Variants in CHID1 observed in about 807,000 individuals in gnomAD.
CHID1 encodes chitinase domain-containing protein 1.
In CHID1, 44 loss-of-function variants were observed where a neutral mutation model predicts 55.4. The ratio of observed to expected loss-of-function variants is 0.79; its 90% confidence interval spans 0.62 to 1.02. The LOEUF (loss-of-function observed/expected upper bound fraction) is 1.02, where lower values mean the gene tolerates loss of function less well. CHID1 is among the 50% of genes least tolerant of loss of function. The pLI is 0.00. For missense variants in CHID1, 491 were observed against 515.3 expected (o/e 0.95, Z 0.46); for synonymous variants, 216 against 212.9 (o/e 1.01, Z -0.13).
chr11:877,247 C>A (rs941307049), intron 10 of CHID1, among the ~76,000 whole-genome samples: 1 of 152,122 alleles, frequency 6.6e-6, no homozygotes, highest in African/African-American at 2.4e-5. Context: ...TGGGTGGGTG[C>A]AACTGCCCAC....
In CHID1 at chr11:869,456, C is replaced by T; in HGVS notation, c.*402G>A. ...TGGGGTGATGCTGGGCAGAGCTGTC[C>T]CTGCGAGGGCCCTCGAATCCAGGAG... On this transcript the variant is annotated 3_prime_UTR_variant, in exon 13 of 13. Transcript: ENST00000323578. 1 of 253,472 alleles carries T rather than the reference C, an allele frequency of 3.9e-6. No individual in the cohort carries two copies. Among genetic ancestry groups the T allele is most frequent in the Non-Finnish European group, 7.7e-6 (1 of 129,626 alleles). 15.7% of individuals were successfully genotyped at this position (253,472 alleles called of 1,614,324 possible).
At chr11:887,695 T>TG (rs1422162746) in intron 8 of CHID1, among the ~76,000 whole-genome samples, 1 of 152,208 alleles carries the variant, frequency 6.6e-6, no homozygotes, top group East Asian at 1.9e-4. Flanking sequence ...GTGCCCATGA[T>TG]GCCCTTCCAA....
chr11:905,396 G>T (rs976294665), intron 1 of CHID1, among the ~76,000 whole-genome samples: 8 of 152,204 alleles, frequency 5.3e-5, no homozygotes, highest in Non-Finnish European at 1.2e-4. Context: ...GGCCGGGTGC[G>T]GTGGCTTATG....
intron 2 of CHID1, among the ~76,000 whole-genome samples, chr11:904,291 C>G (rs927052540): frequency 6.6e-6 from 1 of 152,174 alleles, no homozygotes; most frequent in African/African-American, 2.4e-5. Context: ...TGAGTTTACA[C>G]CCTTGAAGGT....
upstream of CHID1, among the ~76,000 whole-genome samples, chr11:911,943 A>G (rs1346811362): frequency 1.3e-5 from 2 of 152,222 alleles, no homozygotes; most frequent in Non-Finnish European, 2.9e-5. Flanking sequence ...TCCCAATGCT[A>G]AGGAGGCCAT....
In CHID1 at chr11:902,988, C is replaced by T. The variant is rs752223525; in HGVS notation, c.235G>A (p.Gly79Arg). 17 of 1,613,948 alleles carry T rather than the reference C, an allele frequency of 1.1e-5. No individual in the cohort carries two copies. The highest frequency in any genetic ancestry group is 1.7e-5 in the Admixed American group (1 of 60,006). ...SAKARDRHFA[G>R]DVLGYVTPWN... is the part of the protein sequence containing the mutation. ...GGAGTGACATAGCCCAGTACATCCC[C>T]AGCAAAGTGTCTGTCCCGGGCCTTT... Residue 79 changes from glycine to arginine, a missense_variant, in exon 3 of 13, where the codon GGG becomes AGG. Transcript: ENST00000323578.
rs375558883 is a variant in CHID1, at chr11:910,797, G to A, written c.-66C>T. The stretch of plus-strand genomic sequence containing the variant: ...CACCTGCATGTCAGGGAGGCCGGAC[G>A]GCCACAAACGCACGGCCGGAAAACG... On this transcript the variant is annotated 5_prime_UTR_variant, in exon 1 of 13. Transcript: ENST00000323578. 2.9e-4 allele frequency: 319 copies of A among 1,113,700 alleles called. 6 individuals are homozygous for A. In the East Asian group the frequency reaches 0.023, roughly 79 times the overall value. 69.0% of individuals were successfully genotyped at this position (1,113,700 alleles called of 1,614,324 possible). A position where few individuals can be genotyped will look rare whatever the true frequency, so the allele number is the denominator to read the frequency against.
intron 11 of CHID1, 35 bp downstream of exon 11, chr11:870,384 A>C (rs771078328): frequency 6.4e-7 from 1 of 1,559,656 alleles, no homozygotes; most frequent in Non-Finnish European, 8.8e-7. Context: ...CCTGCACACA[A>C]GGCCAAGGTG....
intron 8 of CHID1, among the ~76,000 whole-genome samples, chr11:890,266 GC>G (rs1275685980): frequency 6.6e-6 from 1 of 152,148 alleles, no homozygotes; most frequent in Non-Finnish European, 1.5e-5. Flanking sequence ...CACGCGGCCT[GC>G]CCCATCCCCT....
At chr11:888,041 T>C (rs1382566651) in intron 8 of CHID1, among the ~76,000 whole-genome samples, 1 of 152,212 alleles carries the variant, frequency 6.6e-6, no homozygotes, top group Non-Finnish European at 1.5e-5. Context: ...CCAGGGGACA[T>C]GGCTCCACAC....
rs182950163 is a variant in CHID1 at position 869,863 on chromosome 11, G to A, written c.1177C>T (p.Leu393Phe). Reference protein sequence around the residue: ...GQGLDYFYDLL With the variant: ...GQGLDYFYDLF ...GCGGAGGCCGCAATGCCCACCTAGAGCAGGTCGTAGAAGTAGTCCAGGCCC... is the reference window on the plus strand; with the variant it reads ...GCGGAGGCCGCAATGCCCACCTAGAACAGGTCGTAGAAGTAGTCCAGGCCC... The change falls in exon 13 of 13, where the codon CTC (leucine) becomes TTC (phenylalanine). Residue 393 changes from leucine (L) to phenylalanine (F), a missense_variant. Transcript: ENST00000323578. 3 of 1,612,858 alleles carry A rather than the reference G, an allele frequency of 1.9e-6. No individual in the cohort carries two copies. In the Admixed American group the frequency reaches 5.0e-5, roughly 27 times the overall value.
At chr11:880,258 C>T (rs1294147319) in intron 10 of CHID1, among the ~76,000 whole-genome samples, 1 of 152,228 alleles carries the variant, frequency 6.6e-6, no homozygotes, top group Admixed American at 6.5e-5. Context: ...GAGAAGACGC[C>T]AGGCTCTTCG....
chr11:914,469 A>C (rs1057378348), upstream of CHID1: 1 of 1,219,670 alleles, frequency 8.2e-7, no homozygotes, highest in Non-Finnish European at 1.1e-6. Context: ...GCCTGCAGAG[A>C]TGAGTGTTTC....
At chr11:907,129 T>G (rs1852286583) in intron 1 of CHID1, among the ~76,000 whole-genome samples, 1 of 152,226 alleles carries the variant, frequency 6.6e-6, no homozygotes, top group Non-Finnish European at 1.5e-5. Flanking sequence ...CTGGTCTTCC[T>G]GCACTAAACT....
intron 8 of CHID1, among the ~76,000 whole-genome samples, chr11:888,528 A>C (rs1271929815): frequency 6.6e-6 from 1 of 152,366 alleles, no homozygotes; most frequent in African/African-American, 2.4e-5. Flanking sequence ...CGGCTGAGCA[A>C]TGAGGTAACA....
rs1009222080 is a variant in CHID1, at chr11:869,517, C to T, written c.*341G>A. On this transcript the variant is annotated 3_prime_UTR_variant, in exon 13 of 13. Coordinates refer to ENST00000323578, the MANE Select transcript of CHID1 (RefSeq NM_023947.4). The stretch of plus-strand genomic sequence containing the variant: ...CGGGATGGTTCCAGAGCTTCCAAAC[C>T]CACATCCAGCCCAGGATGTGAGAAG... 1 of 396,488 alleles carries T rather than the reference C, an allele frequency of 2.5e-6. No homozygotes were observed. Among genetic ancestry groups the T allele is most frequent in the African/African-American group, 2.0e-5 (1 of 49,352 alleles). The allele number at this position is 396,488 out of a possible 1,614,324, so 24.6% of individuals were successfully genotyped here. A position where few individuals can be genotyped will look rare whatever the true frequency, so the allele number is the denominator to read the frequency against.
At position 875,080 on chromosome 11, in the gene CHID1, C is replaced by T. The variant is rs769697778; in HGVS notation, c.960-4581G>A. Among the ~76,000 whole-genome samples the T allele has an allele frequency of 7.2e-5, 11 of 152,216 alleles. No individual in the cohort carries two copies. The highest frequency in any genetic ancestry group is 1.0e-4 in the Non-Finnish European group (7 of 68,032). On this transcript the variant is annotated intron_variant, in intron 10 of 12. Transcript: ENST00000323578. The surrounding 1 kb of genome is among the most constrained non-coding windows in gnomAD (Gnocchi z 4.7). The stretch of plus-strand genomic sequence containing the variant: ...TGGTGGGAGGAGGGGCTTGCAGGCT[C>T]GGGCCAGGGCTGCTGTGAGCAATGG...
rs551232172 is a variant in CHID1 at position 899,245 on chromosome 11, G to A, written c.608+95C>T. On this transcript the variant is annotated intron_variant, in intron 7 of 12. Transcript: ENST00000323578. ...CACCCCAGGCACAGGGACTGTGGAA[G>A]GAAGGCCCTCCCCAAACCCCTGGTC... 5.9e-5 allele frequency: 72 copies of A among 1,230,532 alleles called. No homozygotes were observed. The South Asian group carries it at 8.7e-4, about 15-fold the overall frequency. 76.2% of individuals were successfully genotyped at this position (1,230,532 alleles called of 1,614,324 possible).
intron 8 of CHID1, among the ~76,000 whole-genome samples, chr11:890,941 C>T (rs1376507683): frequency 6.6e-6 from 1 of 152,184 alleles, no homozygotes; most frequent in Admixed American, 6.5e-5. Flanking sequence ...CATTGTTCCA[C>T]AGACAGTGCC....
Sources: gnomAD v4.1 joint callset for allele counts (sites outside exome capture counted in the v4.1 genomes callset) on GRCh38, gnomAD v4.1.1 for gene constraint, Gnocchi (gnomAD v3.1) non-coding constraint, MANE v1.5 for transcripts, NCBI Gene and HGNC (gene_info 2026-07-23, HGNC 2026-07-21) for gene names.